DGKB: variants seen among roughly 807,000 people sequenced by gnomAD.
DGKB encodes the protein 90 kDa diacylglycerol kinase.
A neutral mutation model predicts 114.3 loss-of-function variants in DGKB; 67 were observed. The observed-to-expected ratio is 0.59, with a 90% confidence interval of 0.48 to 0.72. The LOEUF (loss-of-function observed/expected upper bound fraction) is 0.72. Among genes scored for constraint, DGKB ranks in the 30% least tolerant of loss-of-function variants. The probability of loss-of-function intolerance (pLI) is 0.00; values close to 1 mark genes in which losing one functional copy is unlikely to be tolerated. For synonymous variants in DGKB, 398 were observed against 323.1 expected, an observed-to-expected ratio of 1.23 and a Z score of -2.49; for missense variants, 907 against 975.2, an observed-to-expected ratio of 0.93 and a Z score of 0.93.
chr7:14,228,029 T>C (rs1354557246), intron 23 of DGKB, among the ~76,000 whole-genome samples: 1 of 151,906 alleles, frequency 6.6e-6, no homozygotes, highest in African/African-American at 2.4e-5. Flanking sequence ...CAGTATAGAG[T>C]AGTTTAACCC....
At chr7:14,959,740 T>C (rs1464364248) in intron 1 of DGKB, among the ~76,000 whole-genome samples, 4 of 151,448 alleles carry the variant, frequency 2.6e-5, no homozygotes, top group Non-Finnish European at 5.9e-5. Flanking sequence ...AAAAGCTCTA[T>C]AACATTAGAT....
intron 21 of DGKB, among the ~76,000 whole-genome samples, chr7:14,440,631 T>C (rs1044709263): frequency 8.5e-5 from 13 of 152,230 alleles, no homozygotes; most frequent in African/African-American, 3.1e-4. Flanking sequence ...TAACACAGTC[T>C]ACTTACTCAT....
chr7:14,916,061 G>A (rs1274121257), intron 1 of DGKB, among the ~76,000 whole-genome samples: 15 of 152,012 alleles, frequency 9.9e-5, no homozygotes, highest in East Asian at 7.8e-4. Context: ...GAATAAAAGC[G>A]AAAAAGAAGA....
chr7:14,921,937 G>A (rs1216252240), intron 1 of DGKB, among the ~76,000 whole-genome samples: 3 of 152,132 alleles, frequency 2.0e-5, no homozygotes, highest in Admixed American at 2.0e-4. Flanking sequence ...AATCCACTGT[G>A]TTCTGATTAG....
chr7:14,903,309 G>T (rs1214386972), upstream of DGKB: 1 of 152,008 alleles, frequency 6.6e-6, no homozygotes, highest in African/African-American at 2.4e-5. Context: ...ATCTCTGGCT[G>T]CCGCTTCTCC....
intron 1 of DGKB, among the ~76,000 whole-genome samples, chr7:14,956,525 G>T (rs1418746909): frequency 1.3e-5 from 2 of 152,022 alleles, no homozygotes; most frequent in African/African-American, 4.8e-5. Context: ...ATCTTTAGGG[G>T]ATGTGAAAAT....
At chr7:14,761,118 C>T (rs990154701) in intron 2 of DGKB, among the ~76,000 whole-genome samples, 1 of 152,120 alleles carries the variant, frequency 6.6e-6, no homozygotes, top group Non-Finnish European at 1.5e-5. Flanking sequence ...TGAAGTTTAA[C>T]TATGACCTGA....
chr7:14,407,193 G>A (rs766538523), intron 21 of DGKB, among the ~76,000 whole-genome samples: 1 of 152,064 alleles, frequency 6.6e-6, no homozygotes, highest in Non-Finnish European at 1.5e-5. Flanking sequence ...CTAGTTCAAC[G>A]GTTCCAGGAA....
chr7:14,177,881 A>G, intron 24 of DGKB, 150 bp downstream of exon 24: 1 of 790,814 alleles, frequency 1.3e-6, no homozygotes, highest in Non-Finnish European at 1.8e-6. Context: ...ACAATCTGCC[A>G]ATGTCCATTA....
chr7:14,490,154 C>T (rs910455666), intron 20 of DGKB, among the ~76,000 whole-genome samples: 1 of 151,946 alleles, frequency 6.6e-6, no homozygotes, highest in Non-Finnish European at 1.5e-5. Context: ...AAAGCTGAAA[C>T]TTAATTGGTT....
chr7:14,900,581 A>G (rs1386645077), intron 1 of DGKB, among the ~76,000 whole-genome samples: 1 of 152,136 alleles, frequency 6.6e-6, no homozygotes, highest in East Asian at 1.9e-4. Flanking sequence ...CGTTCTTTCA[A>G]TAGTGTGCAA....
intron 6 of DGKB, among the ~76,000 whole-genome samples, chr7:14,712,296 G>A (rs1827492196): frequency 6.6e-6 from 1 of 152,054 alleles, no homozygotes; most frequent in Non-Finnish European, 1.5e-5. Flanking sequence ...AATAATATTG[G>A]TTCTAGAAAG....
intron 17 of DGKB, among the ~76,000 whole-genome samples, chr7:14,592,170 T>C (rs1405792002): frequency 6.6e-6 from 1 of 151,740 alleles, no homozygotes; most frequent in Non-Finnish European, 1.5e-5. Flanking sequence ...AGTGTGAGAG[T>C]CATAAATATT....
intron 23 of DGKB, among the ~76,000 whole-genome samples, chr7:14,250,360 A>G (rs1273222607): frequency 2.0e-5 from 3 of 151,522 alleles, no homozygotes; most frequent in Non-Finnish European, 4.4e-5. Context: ...TTCCATTTTT[A>G]TTTGTCTCAA....
intron 20 of DGKB, among the ~76,000 whole-genome samples, chr7:14,479,767 A>G (rs573100882): frequency 2.4e-4 from 37 of 152,216 alleles, no homozygotes; most frequent in African/African-American, 8.9e-4. Flanking sequence ...GAACTGGGCT[A>G]TTTATGGTAT....
At chr7:14,894,621 G>A (rs749781200) in intron 1 of DGKB, among the ~76,000 whole-genome samples, 4 of 151,472 alleles carry the variant, frequency 2.6e-5, no homozygotes, top group Non-Finnish European at 5.9e-5. Flanking sequence ...TTTGTTTACT[G>A]AAAGTGCTCT....
At chr7:14,702,803 A>G (rs1245366907) in intron 6 of DGKB, among the ~76,000 whole-genome samples, 1 of 152,186 alleles carries the variant, frequency 6.6e-6, no homozygotes, top group African/African-American at 2.4e-5. Flanking sequence ...TTTAATGGTT[A>G]CTGCATTTCA....
chr7:14,919,094 AAACAC>A (rs1784390919), intron 1 of DGKB, among the ~76,000 whole-genome samples: 19 of 131,454 alleles, frequency 1.4e-4, no homozygotes, highest in South Asian at 5.6e-4. Flanking sequence ...ACACACACAC[AAACAC>A]ACACACACAC....
At chr7:14,347,594 A>G (rs548282755) in intron 21 of DGKB, among the ~76,000 whole-genome samples, 38 of 152,132 alleles carry the variant, frequency 2.5e-4, no homozygotes, top group African/African-American at 8.7e-4. Flanking sequence ...AAAGAGTACA[A>G]CTGTGGTTAT....
Sources: gnomAD v4.1 joint callset for allele counts (sites outside exome capture counted in the v4.1 genomes callset) on GRCh38, gnomAD v4.1.1 for gene constraint, MANE v1.5 for transcripts, NCBI Gene and HGNC (gene_info 2026-07-23, HGNC 2026-07-21) for gene names.